ZC3H6: variants seen among roughly 807,000 people sequenced by gnomAD.
The protein encoded by ZC3H6 is zinc finger CCCH domain-containing protein 6.
ZC3H6 carries 40 observed loss-of-function variants against 107.7 expected under a neutral mutation model. The ratio of observed to expected loss-of-function variants is 0.37; its 90% CI spans 0.29 to 0.48. The LOEUF (loss-of-function observed/expected upper bound fraction) is 0.48. Among genes scored for constraint, ZC3H6 ranks in the 20% least tolerant of loss-of-function variants. The pLI is 0.98. For synonymous variants in ZC3H6, 493 were observed against 487.9 expected, an observed-to-expected ratio of 1.01 and a Z score of -0.14; for missense variants, 1,267 against 1,410.4, an observed-to-expected ratio of 0.90 and a Z score of 1.63.
intron 2 of ZC3H6, among the ~76,000 whole-genome samples, chr2:112,300,594 A>G (rs1476918913): frequency 6.6e-6 from 1 of 152,202 alleles, no homozygotes; most frequent in Non-Finnish European, 1.5e-5. Flanking sequence ...AAGGAAAGAG[A>G]GTTTCATTCT....
chr2:112,323,989 C>T lies in ZC3H6; in HGVS notation c.1341-163C>T, dbSNP rs186415010. ...TAAAATGAAAGCATGAGGTCTATTT[C>T]GTGTTTCTACCTATCGACGCTATGG... On this transcript the variant is annotated intron_variant, in intron 9 of 11. Transcript: ENST00000409871. 5.9e-5 allele frequency among the ~76,000 whole-genome samples: 9 copies of T among 152,264 alleles called. No individual in the cohort carries two copies. The East Asian group carries it at 1.3e-3, about 23-fold the overall frequency.
rs754133224 is a variant in ZC3H6, at chr2:112,324,203, A to G, written c.1392A>G (p.Gly464=). 1.3e-6 allele frequency: 2 copies of G among 1,595,546 alleles called. No individual in the cohort carries two copies. Among genetic ancestry groups the G allele is most frequent in the Non-Finnish European group, 1.7e-6 (2 of 1,164,610 alleles). Reference sequence around the variant, plus strand: ...CACCACCAGGACCACAATTTCAGGGAAGCAGTCCACACCCTCAACATATCT... The same window carrying G: ...CACCACCAGGACCACAATTTCAGGGGAGCAGTCCACACCCTCAACATATCT... ...SASPPGPQFQ[G]SSPHPQHIYS... The change falls in exon 10 of 12, where the codon GGA becomes GGG. Residue 464 remains glycine (G), a synonymous_variant. Coordinates refer to ENST00000409871, the MANE Select transcript of ZC3H6 (RefSeq NM_198581.3).
At chr2:112,326,534 A>G (rs773256246) in intron 11 of ZC3H6, among the ~76,000 whole-genome samples, 1 of 152,176 alleles carries the variant, frequency 6.6e-6, no homozygotes, top group Non-Finnish European at 1.5e-5. Context: ...GTTGCAAATG[A>G]CAGGATCTCA....
rs564035069 is a variant in ZC3H6 at position 112,317,198 on chromosome 2, C to CTTTTTTTTTTTTTTTT, written c.865-9_865-8insTTTTTTTTTTTTTTTT. ...TGTTTCTTACCTTTTTTTCTTTTTT[C>CTTTTTTTTTTTTTTTT]TTTTTTTTTTTTTTGTGAATAGGGA... On this transcript the variant is annotated intron_variant, in intron 6 of 11. Coordinates refer to ENST00000409871, the MANE Select transcript of ZC3H6 (RefSeq NM_198581.3). The CTTTTTTTTTTTTTTTT allele has an allele frequency of 3.7e-5, 38 of 1,027,688 alleles. 1 individual carries two copies. Among genetic ancestry groups the CTTTTTTTTTTTTTTTT allele is most frequent in the South Asian group, 1.6e-4 (7 of 44,296 alleles). 63.7% of individuals were successfully genotyped at this position (1,027,688 alleles called of 1,614,324 possible). A position where few individuals can be genotyped will look rare whatever the true frequency, so the allele number is the denominator to read the frequency against.
chr2:112,338,777 C>T lies in ZC3H6; in HGVS notation c.*6289C>T, dbSNP rs1677181814. On this transcript the variant is annotated 3_prime_UTR_variant, in exon 12 of 12. Transcript: ENST00000409871. ...TATAGAGGCTCAATTAAAAAATAACCATATTCTCAAACCTCCATTACCACT... is the reference window on the plus strand; with the variant it reads ...TATAGAGGCTCAATTAAAAAATAACTATATTCTCAAACCTCCATTACCACT... The T allele has an allele frequency of 6.8e-6, 1 of 148,002 alleles. No homozygotes were observed. The highest frequency in any genetic ancestry group is 1.5e-5 in the Non-Finnish European group (1 of 66,970). 9.2% of individuals were successfully genotyped at this position (148,002 alleles called of 1,614,324 possible).
rs530471607 is a variant in ZC3H6 at position 112,322,136 on chromosome 2, C to T, written c.1086+271C>T. 1.6e-4 allele frequency among the ~76,000 whole-genome samples: 24 copies of T among 149,236 alleles called. 1 individual carries two copies. The South Asian group carries it at 5.2e-3, about 32-fold the overall frequency. On this transcript the variant is annotated intron_variant, in intron 8 of 11. Transcript: ENST00000409871. Reference sequence around the variant, plus strand: ...TCTTCCCTCCTTCCCTCCTTCCCTCCTTCCCTCCTTCCTTCCTCCCTCCCT... The same window carrying T: ...TCTTCCCTCCTTCCCTCCTTCCCTCTTTCCCTCCTTCCTTCCTCCCTCCCT...
chr2:112,325,228 C>G, intron 11 of ZC3H6, 31 bp downstream of exon 11: 1 of 1,601,742 alleles, frequency 6.2e-7, no homozygotes, highest in Admixed American at 1.7e-5. Context: ...AGCATCTTAC[C>G]TATTTGGATG....
intron 1 of ZC3H6, among the ~76,000 whole-genome samples, chr2:112,293,579 A>G (rs928976955): frequency 1.3e-5 from 2 of 152,236 alleles, no homozygotes; most frequent in African/African-American, 4.8e-5. Context: ...TAAACAGAAA[A>G]TCACGAAAAC....
chr2:112,331,781 G>A lies in ZC3H6; in HGVS notation c.2863G>A (p.Gly955Ser), dbSNP rs199593500. Residue 955 changes from glycine (G) to serine (S), a missense_variant, in exon 12 of 12, where the codon GGT becomes AGT. Transcript: ENST00000409871. ...CCTAGAACAATTTGGAGACTCACACGGTTCAGGAGCTAAATTAGGAGATCC... is the reference window on the plus strand; with the variant it reads ...CCTAGAACAATTTGGAGACTCACACAGTTCAGGAGCTAAATTAGGAGATCC... ...GYLEQFGDSHGSGAKLGDPRL... is the reference protein window; with the variant it reads ...GYLEQFGDSHSSGAKLGDPRL... The A allele has an allele frequency of 4.5e-5, 72 of 1,613,626 alleles. 1 individual carries two copies. In the African/African-American group the frequency reaches 4.8e-4, roughly 11 times the overall value.
At chr2:112,319,856 G>A (rs1676768021) in intron 7 of ZC3H6, among the ~76,000 whole-genome samples, 1 of 152,156 alleles carries the variant, frequency 6.6e-6, no homozygotes, top group Non-Finnish European at 1.5e-5. Flanking sequence ...CATACTTGGA[G>A]TATGGCATAA....
In ZC3H6 at chr2:112,328,652, A is replaced by G. The variant is rs549588366; in HGVS notation, c.2087-2353A>G. On this transcript the variant is annotated intron_variant, in intron 11 of 11. Coordinates refer to ENST00000409871, the MANE Select transcript of ZC3H6 (RefSeq NM_198581.3). ...TTCAATTATAAGCATTTTAATAGCA[A>G]TCTTTCAGCCGGGCGCAGTGGCTCA... Among the ~76,000 whole-genome samples the G allele has an allele frequency of 5.9e-5, 9 of 152,328 alleles. No homozygotes were observed. The East Asian group carries it at 1.7e-3, about 29-fold the overall frequency.
rs1558950710 is a variant in ZC3H6 at position 112,303,278 on chromosome 2, ATGT to A, written c.266_268del (p.Val89del). ...AGTTCGGACTACAGCCTTGATTCAG[ATGT>A]TGAACATACAGAAAGTTCCCATAAA... On this transcript the variant is annotated inframe_deletion, in exon 3 of 12. Coordinates refer to ENST00000409871, the MANE Select transcript of ZC3H6 (RefSeq NM_198581.3). 6.2e-7 allele frequency: 1 copy of A among 1,613,028 alleles called. No individual in the cohort carries two copies. Among genetic ancestry groups the A allele is most frequent in the East Asian group, 2.2e-5 (1 of 44,870 alleles).
At chr2:112,277,114 T>A (rs540481204) in intron 1 of ZC3H6, among the ~76,000 whole-genome samples, 1 of 152,282 alleles carries the variant, frequency 6.6e-6, no homozygotes, top group South Asian at 2.1e-4. Context: ...TCTAAATACC[T>A]AGCAATCTTG....
intron 1 of ZC3H6, among the ~76,000 whole-genome samples, chr2:112,293,398 AAGAATGTATTGGATAAAGGATGAAG>A (rs1262008788): frequency 6.6e-6 from 1 of 152,224 alleles, no homozygotes; most frequent in Non-Finnish European, 1.5e-5. Flanking sequence ...CAGAGGGTGT[AAGAATGTATTGGATAAAGGATGAAG>A]ATAAAAAGCA....
chr2:112,303,424 A>G, intron 3 of ZC3H6, 73 bp downstream of exon 3: 1 of 1,121,562 alleles, frequency 8.9e-7, no homozygotes, highest in Admixed American at 2.3e-5. Flanking sequence ...TTTTAACTGT[A>G]CAATTCAGTG....
intron 1 of ZC3H6, among the ~76,000 whole-genome samples, chr2:112,277,159 AT>A (rs1380836182): frequency 6.6e-6 from 1 of 152,218 alleles, no homozygotes; most frequent in Non-Finnish European, 1.5e-5. Flanking sequence ...CAACTTCAGT[AT>A]TGTAATAATA....
chr2:112,320,167 A>G (rs534643536), intron 7 of ZC3H6, among the ~76,000 whole-genome samples: 268 of 152,314 alleles, frequency 1.8e-3, no homozygotes, highest in African/African-American at 6.0e-3. Flanking sequence ...TCCCGACCTC[A>G]GGTGATCCGC....
chr2:112,321,947 G>A, intron 8 of ZC3H6, 82 bp downstream of exon 8: 2 of 582,850 alleles, frequency 3.4e-6, no homozygotes, highest in Non-Finnish European at 5.7e-6. Flanking sequence ...GATATTTTAT[G>A]AAACTGCTGA....
chr2:112,275,875 TCAC>T lies in ZC3H6; in HGVS notation c.-118_-116del. 2.7e-6 allele frequency: 2 copies of T among 749,106 alleles called. No individual in the cohort carries two copies. The allele number at this position is 749,106 out of a possible 1,614,324, so 46.4% of individuals were successfully genotyped here. On this transcript the variant is annotated 5_prime_UTR_variant, in exon 1 of 12. Transcript: ENST00000409871. Reference sequence around the variant, plus strand: ...GTAACCGTGAGTTTTTACCACTTCGTCACCTGTCGGCGGCGGCCGGGAGCAGGT... The same window carrying T: ...GTAACCGTGAGTTTTTACCACTTCGTCTGTCGGCGGCGGCCGGGAGCAGGT...
Sources: allele counts gnomAD v4.1 joint callset (sites outside exome capture counted in the v4.1 genomes callset), GRCh38; gene constraint gnomAD v4.1.1; transcripts MANE v1.5; gene names NCBI Gene and HGNC (gene_info 2026-07-23, HGNC 2026-07-21).